RHOBTB1: variants seen among roughly 807,000 people sequenced by gnomAD.
The protein encoded by RHOBTB1 is Rho related BTB domain containing 1, also known as rho-related BTB domain-containing protein 1.
A neutral mutation model predicts 71.6 loss-of-function variants in RHOBTB1; 40 were observed. The observed-to-expected ratio is 0.56, with a 90% CI of 0.43 to 0.73. The LOEUF is 0.73. Among genes scored for constraint, RHOBTB1 ranks in the 30% least tolerant of loss-of-function variants. The probability of loss-of-function intolerance (pLI) is 0.00; values close to 1 mark genes in which losing one functional copy is unlikely to be tolerated. For missense variants in RHOBTB1, 797 were observed against 894.0 expected (o/e 0.89, Z 1.38); for synonymous variants, 319 against 334.9 (o/e 0.95, Z 0.52).
chr10:60,975,995 A>G (rs2086301589), intron 2 of RHOBTB1, among the ~76,000 whole-genome samples: 1 of 152,100 alleles, frequency 6.6e-6, no homozygotes, highest in African/African-American at 2.4e-5. Context: ...TTGCACTAGA[A>G]AGTGATATAA....
intron 2 of RHOBTB1, among the ~76,000 whole-genome samples, chr10:60,969,071 CTGAG>C (rs1329885215): frequency 2.0e-5 from 3 of 152,000 alleles, no homozygotes; most frequent in African/African-American, 7.2e-5. Context: ...ATTTCACTTA[CTGAG>C]TAAGTGAGAT....
At chr10:60,912,237 A>T (rs1485786247) in intron 2 of RHOBTB1, among the ~76,000 whole-genome samples, 1 of 151,878 alleles carries the variant, frequency 6.6e-6, no homozygotes, top group Non-Finnish European at 1.5e-5. Flanking sequence ...ACACACACAT[A>T]TATATATGTA....
chr10:60,986,438 A>ATT (rs2086673036), intron 1 of RHOBTB1, among the ~76,000 whole-genome samples: 1 of 132,480 alleles, frequency 7.5e-6, no homozygotes, highest in Non-Finnish European at 1.6e-5. Flanking sequence ...TATAAAATAT[A>ATT]TATAGGCCAT....
chr10:60,903,931 C>T (rs1162768399), intron 4 of RHOBTB1, among the ~76,000 whole-genome samples: 3 of 152,044 alleles, frequency 2.0e-5, no homozygotes, highest in Admixed American at 2.0e-4. Flanking sequence ...CTTCATATAT[C>T]ATAGACTACT....
At chr10:60,978,261 A>C (rs1394961587) in intron 2 of RHOBTB1, among the ~76,000 whole-genome samples, 1 of 152,132 alleles carries the variant, frequency 6.6e-6, no homozygotes, top group Non-Finnish European at 1.5e-5. Flanking sequence ...GGCCATGTTA[A>C]AACAACTTTT....
chr10:60,892,383 T>G (rs921491693), intron 5 of RHOBTB1, among the ~76,000 whole-genome samples: 1 of 152,170 alleles, frequency 6.6e-6, no homozygotes, highest in African/African-American at 2.4e-5. Context: ...ATAAGGAAGA[T>G]GAAAAACCCT....
intron 2 of RHOBTB1, among the ~76,000 whole-genome samples, chr10:60,932,485 T>C (rs183499307): frequency 1.4e-5 from 2 of 146,636 alleles, no homozygotes; most frequent in Admixed American, 1.4e-4. Context: ...CATTTCTCTA[T>C]GTGTTATACT....
intron 2 of RHOBTB1, among the ~76,000 whole-genome samples, chr10:60,913,097 T>C (rs2083077473): frequency 6.6e-6 from 1 of 152,176 alleles, no homozygotes; most frequent in Non-Finnish European, 1.5e-5. Context: ...ACTTGGATAA[T>C]GAGATTAAGG....
intron 2 of RHOBTB1, among the ~76,000 whole-genome samples, chr10:60,972,919 C>T (rs757548496): frequency 2.0e-5 from 3 of 151,848 alleles, no homozygotes; most frequent in Non-Finnish European, 4.4e-5. Context: ...AACAAAACTC[C>T]CCTTTTAAAT....
At chr10:60,925,876 G>A (rs760458626) in intron 2 of RHOBTB1, among the ~76,000 whole-genome samples, 2 of 152,102 alleles carry the variant, frequency 1.3e-5, no homozygotes, top group African/African-American at 2.4e-5. Context: ...TACAAAATCT[G>A]AATAGACCAA....
intron 4 of RHOBTB1, among the ~76,000 whole-genome samples, chr10:60,893,256 T>G (rs1431786568): frequency 6.6e-6 from 1 of 152,186 alleles, no homozygotes; most frequent in Non-Finnish European, 1.5e-5. Flanking sequence ...ATGAAGTTAT[T>G]TTATGGTAGA....
intron 2 of RHOBTB1, among the ~76,000 whole-genome samples, chr10:60,923,590 T>C (rs574639419): frequency 6.6e-6 from 1 of 152,328 alleles, no homozygotes; most frequent in Admixed American, 6.5e-5. Flanking sequence ...AGACTGACTG[T>C]CAAAATGCAA....
At chr10:60,913,955 G>A (rs1474203330) in intron 2 of RHOBTB1, among the ~76,000 whole-genome samples, 2 of 152,296 alleles carry the variant, frequency 1.3e-5, no homozygotes, top group Admixed American at 6.5e-5. Flanking sequence ...CTGACACACT[G>A]ATGGTTTCAA....
At chr10:60,872,681 C>T (rs529804367) in intron 9 of RHOBTB1, among the ~76,000 whole-genome samples, 3 of 152,082 alleles carry the variant, frequency 2.0e-5, no homozygotes, top group East Asian at 1.9e-4. Context: ...TGGAATACTT[C>T]GTGTCGCATG....
chr10:60,977,150 C>A (rs2086343574), intron 2 of RHOBTB1, among the ~76,000 whole-genome samples: 1 of 152,010 alleles, frequency 6.6e-6, no homozygotes, highest in Non-Finnish European at 1.5e-5. Context: ...TTTTTCCTCT[C>A]TAAATTGTAG....
intron 7 of RHOBTB1, among the ~76,000 whole-genome samples, chr10:60,880,325 T>A (rs895645887): frequency 2.0e-5 from 3 of 152,008 alleles, no homozygotes; most frequent in Non-Finnish European, 4.4e-5. Flanking sequence ...AAGGTGCTTA[T>A]GGCTTATGCA....
chr10:60,922,850 G>T (rs2083648763), intron 2 of RHOBTB1, among the ~76,000 whole-genome samples: 1 of 152,192 alleles, frequency 6.6e-6, no homozygotes, highest in Non-Finnish European at 1.5e-5. Context: ...TTGACCCTAT[G>T]ATAGAACTGA....
At chr10:60,905,404 C>A (rs193207986) in intron 4 of RHOBTB1, among the ~76,000 whole-genome samples, 1 of 140,296 alleles carries the variant, frequency 7.1e-6, no homozygotes, top group African/African-American at 2.7e-5. Context: ...AAGCCAAGAT[C>A]GCGCCACTGC....
intron 2 of RHOBTB1, among the ~76,000 whole-genome samples, chr10:60,933,477 T>G (rs1232004129): frequency 6.6e-6 from 1 of 152,182 alleles, no homozygotes; most frequent in Non-Finnish European, 1.5e-5. Context: ...ATCCCAGCAC[T>G]TTGGGAGGCT....
Sources: gnomAD v4.1 joint callset for allele counts (sites outside exome capture counted in the v4.1 genomes callset) on GRCh38, gnomAD v4.1.1 for gene constraint, MANE v1.5 for transcripts, NCBI Gene and HGNC (gene_info 2026-07-23, HGNC 2026-07-21) for gene names.